PGCKA1: variants seen among roughly 807,000 people sequenced by gnomAD.
PGCKA1 encodes the protein PDCD10 and GCKIII kinases-associated protein 1.
At chr4:37,520,049 G>A in the PGCKA1 span, among the ~76,000 whole-genome samples, 12 of 152,246 alleles carry the variant, frequency 7.9e-5, no homozygotes, top group Non-Finnish European at 2.9e-5. Flanking sequence ...TTCTGTTGAT[G>A]TGATGTATCA....
At chr4:37,590,759 TGAG>T in the PGCKA1 span, 1 of 1,613,750 alleles carries the variant, frequency 6.2e-7, no homozygotes, top group South Asian at 1.1e-5. Flanking sequence ...CCCTTCTCTG[TGAG>T]GAGAAGCTGG....
At chr4:37,546,158 C>T in the PGCKA1 span, among the ~76,000 whole-genome samples, 24 of 152,194 alleles carry the variant, frequency 1.6e-4, no homozygotes, top group Admixed American at 3.3e-4. Flanking sequence ...TGTTCTTTCA[C>T]TTAATCCTAA....
At chr4:37,458,947 G>A in the PGCKA1 span, among the ~76,000 whole-genome samples, 4 of 152,100 alleles carry the variant, frequency 2.6e-5, no homozygotes, top group African/African-American at 9.7e-5. Flanking sequence ...TATTTTACAG[G>A]TGAAGAAACT....
the PGCKA1 span, among the ~76,000 whole-genome samples, chr4:37,481,193 C>CACATTTTT: frequency 6.6e-6 from 1 of 152,090 alleles, no homozygotes; most frequent in Non-Finnish European, 1.5e-5. Context: ...CAAATTTTTT[C>CACATTTTT]ACATTTTTGT....
chr4:37,479,510 G>A, the PGCKA1 span, among the ~76,000 whole-genome samples: 1 of 152,070 alleles, frequency 6.6e-6, no homozygotes, highest in African/African-American at 2.4e-5. Context: ...TCACACAAAC[G>A]CAAATTTTCA....
chr4:37,546,997 C>T, the PGCKA1 span, among the ~76,000 whole-genome samples: 92 of 152,288 alleles, frequency 6.0e-4, no homozygotes, highest in African/African-American at 1.9e-3. Flanking sequence ...ATGCCTTAAT[C>T]GGCACTTTGA....
chr4:37,521,493 T>TC, the PGCKA1 span, among the ~76,000 whole-genome samples: 1 of 152,240 alleles, frequency 6.6e-6, no homozygotes, highest in African/African-American at 2.4e-5. Flanking sequence ...CTGTATAGTT[T>TC]CCAAAATTGC....
the PGCKA1 span, among the ~76,000 whole-genome samples, chr4:37,548,349 A>T: frequency 0.15 from 23,214 of 151,984 alleles, 2,191 homozygotes; most frequent in East Asian, 0.43. Context: ...TTAAAAGGTT[A>T]AAAAAAAGTT....
the PGCKA1 span, among the ~76,000 whole-genome samples, chr4:37,580,661 G>A: frequency 1.3e-5 from 2 of 152,316 alleles, no homozygotes; most frequent in East Asian, 3.9e-4. Context: ...GGTGACACAA[G>A]CACCCTTGTG....
At chr4:37,509,615 TG>T in the PGCKA1 span, among the ~76,000 whole-genome samples, 54 of 151,588 alleles carry the variant, frequency 3.6e-4, no homozygotes, top group African/African-American at 1.2e-3. Context: ...AGCAGGCGGC[TG>T]GGAGGTGGAG....
the PGCKA1 span, among the ~76,000 whole-genome samples, chr4:37,472,681 A>G: frequency 1.4e-4 from 22 of 152,278 alleles, no homozygotes; most frequent in African/African-American, 5.3e-4. Flanking sequence ...CCTCCTTGCT[A>G]CATTTCAAGC....
the PGCKA1 span, among the ~76,000 whole-genome samples, chr4:37,528,857 G>A: frequency 6.6e-6 from 1 of 152,154 alleles, no homozygotes. Context: ...CTTTTCTCAT[G>A]AACAGTTCTC....
chr4:37,529,584 C>T, the PGCKA1 span, among the ~76,000 whole-genome samples: 1 of 152,184 alleles, frequency 6.6e-6, no homozygotes, highest in South Asian at 2.1e-4. Context: ...GAATCTCTTC[C>T]TCAAGATTTT....
chr4:37,536,504 C>T, the PGCKA1 span, among the ~76,000 whole-genome samples: 1 of 152,100 alleles, frequency 6.6e-6, no homozygotes, highest in African/African-American at 2.4e-5. Context: ...TGGACTGGGG[C>T]ATGGAGAATC....
chr4:37,534,620 G>A, the PGCKA1 span, among the ~76,000 whole-genome samples: 1 of 152,154 alleles, frequency 6.6e-6, no homozygotes, highest in Non-Finnish European at 1.5e-5. Context: ...TGGATGCTGG[G>A]ATGTCCAAGA....
At chr4:37,502,157 C>T in the PGCKA1 span, among the ~76,000 whole-genome samples, 2 of 152,210 alleles carry the variant, frequency 1.3e-5, no homozygotes, top group African/African-American at 2.4e-5. Flanking sequence ...CCAGCCAAAG[C>T]CTTTCATAGG....
chr4:37,524,990 G>T, the PGCKA1 span, among the ~76,000 whole-genome samples: 1 of 152,194 alleles, frequency 6.6e-6, no homozygotes, highest in African/African-American at 2.4e-5. Flanking sequence ...ATTTAAGATG[G>T]AGTTATTTTA....
At chr4:37,575,713 A>G in the PGCKA1 span, among the ~76,000 whole-genome samples, 16 of 152,176 alleles carry the variant, frequency 1.1e-4, no homozygotes, top group African/African-American at 3.9e-4. Context: ...GTCTTCTTGT[A>G]GTAGTTTCAT....
the PGCKA1 span, among the ~76,000 whole-genome samples, chr4:37,506,060 A>C: frequency 1.3e-5 from 2 of 152,132 alleles, no homozygotes; most frequent in Non-Finnish European, 2.9e-5. Flanking sequence ...TAGATGTTTT[A>C]ATTCATTGGC....
Sources: gnomAD v4.1 joint callset for allele counts (sites outside exome capture counted in the v4.1 genomes callset) on GRCh38, gnomAD v4.1.1 for gene constraint, MANE v1.5 for transcripts, NCBI Gene and HGNC (gene_info 2026-07-23, HGNC 2026-07-21) for gene names.